Variants in E4F1 observed in about 807,000 individuals in gnomAD.
E4F1 encodes the protein transcription factor E4F1.
A neutral mutation model predicts 72.9 loss-of-function variants in E4F1; 30 were observed. That is an observed-to-expected ratio of 0.41 (90% CI 0.31 to 0.56). E4F1 has a LOEUF of 0.56. Ranked by LOEUF, E4F1 falls within the 20% of genes least tolerant of loss-of-function variation. The pLI is 0.25. For synonymous variants in E4F1, 542 were observed against 478.2 expected, an observed-to-expected ratio of 1.13 and a Z score of -1.74; for missense variants, 1,091 against 1,117.5, an observed-to-expected ratio of 0.98 and a Z score of 0.34.
At chr16:2,224,073 T>G in intron 1 of E4F1, 1 of 953,302 alleles carries the variant, frequency 1.0e-6, no homozygotes, top group African/African-American at 1.7e-5. Context: ...GGCCCTTCTC[T>G]GCCTCCGATG....
chr16:2,225,877 C>T lies in E4F1; in HGVS notation c.157+2107C>T, dbSNP rs553821423. ...TTGGGAGGCTGAGACGGGCGGATCCCGAGGTCAGGAGATCGAGACCACCCT... is the reference window on the plus strand; with the variant it reads ...TTGGGAGGCTGAGACGGGCGGATCCTGAGGTCAGGAGATCGAGACCACCCT... On this transcript the variant is annotated intron_variant, in intron 1 of 13. Coordinates refer to ENST00000301727, the MANE Select transcript of E4F1 (RefSeq NM_004424.5). Among the ~76,000 whole-genome samples, 9 of 151,806 alleles carry T rather than the reference C, an allele frequency of 5.9e-5. No homozygotes were observed. The South Asian group carries it at 6.2e-4, about 11-fold the overall frequency.
intron 2 of E4F1, among the ~76,000 whole-genome samples, chr16:2,229,232 G>A (rs1385936090): frequency 6.6e-6 from 1 of 152,222 alleles, no homozygotes; most frequent in Non-Finnish European, 1.5e-5. Flanking sequence ...TGGCGGGCTG[G>A]GACTGTGCCA....
chr16:2,225,965 C>T (rs1421872237), intron 1 of E4F1, among the ~76,000 whole-genome samples: 7 of 151,988 alleles, frequency 4.6e-5, no homozygotes, highest in African/African-American at 9.7e-5. Context: ...TGGTGGCAGG[C>T]GCCTGTAGTC....
chr16:2,227,144 A>G (rs1468306467), intron 1 of E4F1, among the ~76,000 whole-genome samples: 1 of 151,542 alleles, frequency 6.6e-6, no homozygotes, highest in Non-Finnish European at 1.5e-5. Flanking sequence ...GGCTCAATCA[A>G]TCCTCCTGAA....
chr16:2,233,171 C>T lies in E4F1; in HGVS notation c.1044C>T (p.Ala348=), dbSNP rs2093479369. The change falls in exon 7 of 14, where the codon GCC becomes GCT. Residue 348 remains alanine (A), a synonymous_variant. Coordinates refer to ENST00000301727, the MANE Select transcript of E4F1 (RefSeq NM_004424.5). ...AGGAGCTGTCCCTGGGCATGAAAGC[C>T]CTGGCCCCAGAGGTGGGGGCGACGG... is the stretch of plus-strand genomic sequence containing the variant. ...QMQELSLGMK[A]LAPEPPVSQE... is the part of the protein sequence containing the mutation. The T allele has an allele frequency of 6.2e-7, 1 of 1,604,696 alleles. No individual in the cohort carries two copies. The highest frequency in any genetic ancestry group is 1.7e-5 in the Admixed American group (1 of 59,602).
Position 2,223,775 on chromosome 16 carries a change from C to A in E4F1, c.157+5C>A. On this transcript the variant is annotated splice_donor_5th_base_variant and intron_variant, in intron 1 of 13. Coordinates refer to ENST00000301727, the MANE Select transcript of E4F1 (RefSeq NM_004424.5). Reference sequence around the variant, plus strand: ...CGGCGCCCTTCAGCGAGGAAGGTAACCGGGCCGACCCGGAGGGTGCGGCCG... The same window carrying A: ...CGGCGCCCTTCAGCGAGGAAGGTAAACGGGCCGACCCGGAGGGTGCGGCCG... 1 of 1,532,846 alleles carries A rather than the reference C, an allele frequency of 6.5e-7. No homozygotes were observed. Among genetic ancestry groups the A allele is most frequent in the Admixed American group, 2.0e-5 (1 of 49,348 alleles). 95.0% of individuals were successfully genotyped at this position (1,532,846 alleles called of 1,614,324 possible). A position where few individuals can be genotyped will look rare whatever the true frequency, so the allele number is the denominator to read the frequency against.
rs2093488122 is a variant in E4F1, at chr16:2,234,254, C to T, written c.1459C>T (p.Arg487Cys). 5.6e-6 allele frequency: 9 copies of T among 1,612,896 alleles called. No homozygotes were observed. The highest frequency in any genetic ancestry group is 2.2e-5 in the South Asian group (2 of 91,092). Residue 487 changes from arginine (R) to cysteine (C), a missense_variant, in exon 10 of 14, where the codon CGT becomes TGT. Around this residue, in one of 5 missense-constraint regions of E4F1, gnomAD observed 622 missense variants for 628.0 expected, o/e 0.99. Transcript: ENST00000301727. ...CAAGAAGCACCAGGAGGTGCACGTG[C>T]GTGAGCGCCGCTTCCGCTGTGGCGA... The part of the protein sequence containing the change: ...LLKKHQEVHV[R>C]ERRFRCGDCG...
At position 2,229,589 on chromosome 16, in the gene E4F1, G is replaced by A; in HGVS notation, c.329G>A (p.Gly110Asp). 6.2e-7 allele frequency: 1 copy of A among 1,611,684 alleles called. No homozygotes were observed. Among genetic ancestry groups the A allele is most frequent in the Non-Finnish European group, 8.5e-7 (1 of 1,179,914 alleles). Reference sequence around the variant, plus strand: ...TGGCAGGTGGTGCCGGCAGCACCAGGCCCAGAGGAGCCCATCACTGTGGCC... The same window carrying A: ...TGGCAGGTGGTGCCGGCAGCACCAGACCCAGAGGAGCCCATCACTGTGGCC... ...LGQEVVPAAPGPEEPITVAHI... is the reference protein window; with the variant it reads ...LGQEVVPAAPDPEEPITVAHI... Residue 110 changes from glycine (G) to aspartate (D), a missense_variant, in exon 3 of 14, where the codon GGC (glycine) becomes GAC (aspartate). Coordinates refer to ENST00000301727, the MANE Select transcript of E4F1 (RefSeq NM_004424.5).
At chr16:2,223,884 C>T (rs1315970490) in intron 1 of E4F1, 114 bp downstream of exon 1, 4 of 1,532,428 alleles carry the variant, frequency 2.6e-6, no homozygotes, top group South Asian at 1.2e-5. Flanking sequence ...ACCCAGACAC[C>T]TCGCGGATCT....
At position 2,232,239 on chromosome 16, in the gene E4F1, G is replaced by A; in HGVS notation, c.484G>A (p.Ala162Thr). The change falls in exon 4 of 14, where the codon GCC becomes ACC. Residue 162 changes from alanine (A) to threonine (T), a missense_variant. Ala to Thr is a moderately conservative substitution (Grantham distance 58, BLOSUM62 0). Coordinates refer to ENST00000301727, the MANE Select transcript of E4F1 (RefSeq NM_004424.5). ...AELGDGEMAEAPGSPRQQGLG... is the reference protein window; with the variant it reads ...AELGDGEMAETPGSPRQQGLG... ...GCTGGGAGACGGTGAGATGGCCGAG[G>A]CCCCGGGCAGCCCCCGCCAGCAGGG... 6.2e-7 allele frequency: 1 copy of A among 1,612,700 alleles called. No homozygotes were observed. The highest frequency in any genetic ancestry group is 1.1e-5 in the South Asian group (1 of 91,072).
Position 2,234,323 on chromosome 16 carries a change from C to G in E4F1, c.1528C>G (p.Arg510Gly). Residue 510 changes from arginine to glycine, a missense_variant, in exon 10 of 14, where the codon CGG becomes GGG. Transcript: ENST00000301727. The stretch of plus-strand genomic sequence containing the variant: ...GACCATTGCCCATGTGCGTGGCCAC[C>G]GGCGCGTCCACTCAGACGAGCGGCC... ...YKTIAHVRGHRRVHSDERPYP... is the reference protein window; with the variant it reads ...YKTIAHVRGHGRVHSDERPYP... The G allele has an allele frequency of 1.2e-6, 2 of 1,612,984 alleles. No homozygotes were observed. Among genetic ancestry groups the G allele is most frequent in the Non-Finnish European group, 1.7e-6 (2 of 1,179,992 alleles).
chr16:2,223,767 G>T lies in E4F1; in HGVS notation c.154G>T (p.Glu52Ter), dbSNP rs768355623. 1 of 1,535,454 alleles carries T rather than the reference G, an allele frequency of 6.5e-7. No homozygotes were observed. Among genetic ancestry groups the T allele is most frequent in the South Asian group, 1.2e-5 (1 of 83,604 alleles). Residue 52 changes from glutamate (E) to a stop codon, truncating the protein, a stop_gained, in exon 1 of 14, where the codon GAA becomes TAA. Coordinates refer to ENST00000301727, the MANE Select transcript of E4F1 (RefSeq NM_004424.5). LOFTEE classifies it high-confidence loss of function. ...CGGCCTCCCGGCGCCCTTCAGCGAG[G>T]AAGGTAACCGGGCCGACCCGGAGGG... Reference protein sequence around the residue: ...FLGLPAPFSEEDEDDVHRCGR... With the variant: ...FLGLPAPFSE
chr16:2,232,618 G>A (rs774834366), intron 5 of E4F1, 42 bp downstream of exon 5: 21 of 1,608,816 alleles, frequency 1.3e-5, no homozygotes, highest in East Asian at 1.1e-4. Context: ...GTAGCACCCC[G>A]ATGGTTGGCC....
At chr16:2,227,396 G>A (rs747387668) in intron 1 of E4F1, among the ~76,000 whole-genome samples, 3 of 152,012 alleles carry the variant, frequency 2.0e-5, no homozygotes. Flanking sequence ...TTTTGAAACG[G>A]AGTCTCGCTC....
At chr16:2,227,845 G>A (rs1449911284) in intron 1 of E4F1, among the ~76,000 whole-genome samples, 1 of 77,966 alleles carries the variant, frequency 1.3e-5, no homozygotes, top group Non-Finnish European at 3.1e-5. Flanking sequence ...TTTTTTTTTT[G>A]GTAGAGATGG....
chr16:2,225,870 C>T (rs1055439129), intron 1 of E4F1, among the ~76,000 whole-genome samples: 4 of 149,328 alleles, frequency 2.7e-5, no homozygotes, highest in Admixed American at 2.7e-4. Context: ...CTGAGACGGG[C>T]GGATCCCGAG....
chr16:2,226,872 A>T (rs574745094), intron 1 of E4F1, among the ~76,000 whole-genome samples: 14 of 152,322 alleles, frequency 9.2e-5, no homozygotes, highest in African/African-American at 2.9e-4. Context: ...GAACCAGTAA[A>T]GTCCCAAGTC....
chr16:2,233,333 G>A (rs2093480347), intron 7 of E4F1, 105 bp from the exon 8 acceptor site: 1 of 1,421,458 alleles, frequency 7.0e-7, no homozygotes, highest in East Asian at 2.4e-5. Flanking sequence ...GAGCGCCATG[G>A]GGGTCTGAGG....
chr16:2,226,683 C>A (rs955255736), intron 1 of E4F1, among the ~76,000 whole-genome samples: 17 of 152,226 alleles, frequency 1.1e-4, no homozygotes, highest in African/African-American at 4.1e-4. Flanking sequence ...GACACTCAGC[C>A]GTTTGGTGAC....
Sources: allele counts gnomAD v4.1 joint callset (sites outside exome capture counted in the v4.1 genomes callset), GRCh38; gene constraint gnomAD v4.1.1; regional missense constraint gnomAD v4.1.1; transcripts MANE v1.5; gene names NCBI Gene and HGNC (gene_info 2026-07-23, HGNC 2026-07-21).